The following PLA2G7 variants were observed in gnomAD, a reference collection of about 807,000 sequenced individuals.
The protein encoded by PLA2G7 is platelet-activating factor acetylhydrolase.
In PLA2G7, 63 loss-of-function variants were observed where a neutral mutation model predicts 49.6. The ratio of observed to expected loss-of-function variants is 1.27; its 90% CI spans 1.04 to 1.57. The LOEUF (loss-of-function observed/expected upper bound fraction) is 1.57. Ranked by LOEUF, PLA2G7 falls within the 40% of genes most tolerant of loss-of-function variation. PLA2G7 has a pLI of 0.00. For synonymous variants in PLA2G7, 193 were observed against 169.9 expected (o/e 1.14, Z -1.06); for missense variants, 596 against 521.2 (o/e 1.14, Z -1.40).
intron 6 of PLA2G7, 137 bp from the exon 7 acceptor site, chr6:46,711,756 T>A: frequency 1.1e-6 from 1 of 905,250 alleles, no homozygotes; most frequent in Non-Finnish European, 1.8e-6. Context: ...TATTTTCTCT[T>A]AAATTAAAGA....
intron 6 of PLA2G7, 99 bp downstream of exon 6, chr6:46,712,170 A>G: frequency 1.2e-6 from 1 of 826,780 alleles, no homozygotes; most frequent in South Asian, 1.4e-5. Flanking sequence ...AAGTTCCATC[A>G]ACATTTTAAA....
At chr6:46,711,665 C>T (rs776728216) in intron 6 of PLA2G7, 46 bp from the exon 7 acceptor site, 2 of 1,602,006 alleles carry the variant, frequency 1.2e-6, no homozygotes, top group East Asian at 2.2e-5. Context: ...CCTTCCCTTC[C>T]TCATCTGACC....
intron 4 of PLA2G7, 40 bp downstream of exon 4, chr6:46,716,344 C>T (rs1765198147): frequency 6.2e-7 from 1 of 1,608,030 alleles, no homozygotes; most frequent in Admixed American, 1.7e-5. Context: ...GGTTTTCATA[C>T]ATGCAAGAGC....
At chr6:46,733,981 C>T (rs1765811658) in intron 1 of PLA2G7, among the ~76,000 whole-genome samples, 1 of 152,152 alleles carries the variant, frequency 6.6e-6, no homozygotes, top group Admixed American at 6.5e-5. Context: ...AGGTGGCAAG[C>T]TGCCATTTAT....
intron 11 of PLA2G7, 43 bp downstream of exon 11, chr6:46,705,110 T>G: frequency 7.0e-7 from 1 of 1,427,202 alleles, no homozygotes; most frequent in Non-Finnish European, 9.9e-7. Flanking sequence ...AGCTTTGTCC[T>G]GAGATTCATC....
Position 46,710,639 on chromosome 6 carries a change from T to G in PLA2G7, c.683A>C (p.Glu228Ala). 6.2e-7 allele frequency: 1 copy of G among 1,612,054 alleles called. No homozygotes were observed. The highest frequency in any genetic ancestry group is 8.5e-7 in the Non-Finnish European group (1 of 1,178,162). ...RNEQVRQRAKECSQALSLILD... is the reference protein window; with the variant it reads ...RNEQVRQRAKACSQALSLILD... Reference sequence around the variant, plus strand: ...AATCAGACTGAGAGCTTGGGAACATTCTTTTGCTCTTTGCCGTACCTAATA... The same window carrying G: ...AATCAGACTGAGAGCTTGGGAACATGCTTTTGCTCTTTGCCGTACCTAATA... Residue 228 changes from glutamate to alanine, a missense_variant, in exon 8 of 12, where the codon GAA becomes GCA. Glu to Ala is a moderately radical substitution (Grantham distance 107). Coordinates refer to ENST00000274793, the MANE Select transcript of PLA2G7 (RefSeq NM_005084.4).
At chr6:46,722,579 A>G (rs756733249) in intron 2 of PLA2G7, among the ~76,000 whole-genome samples, 7 of 152,210 alleles carry the variant, frequency 4.6e-5, no homozygotes, top group Non-Finnish European at 7.3e-5. Flanking sequence ...TGCAGTCCTG[A>G]TACTGAAGAA....
At chr6:46,734,733 G>T (rs369923006) in intron 1 of PLA2G7, among the ~76,000 whole-genome samples, 13 of 151,910 alleles carry the variant, frequency 8.6e-5, no homozygotes, top group African/African-American at 3.1e-4. Context: ...TGAGGCAGGA[G>T]AATTGCTTGA....
chr6:46,721,820 G>C (rs1316526272), intron 2 of PLA2G7, among the ~76,000 whole-genome samples: 1 of 151,690 alleles, frequency 6.6e-6, no homozygotes, highest in African/African-American at 2.4e-5. Context: ...TATGTAGTAG[G>C]GCAAAATTTA....
intron 5 of PLA2G7, among the ~76,000 whole-genome samples, chr6:46,712,745 A>C (rs1765069684): frequency 6.6e-6 from 1 of 152,190 alleles, no homozygotes; most frequent in African/African-American, 2.4e-5. Context: ...CTTCCCAGCT[A>C]TATGATTTTA....
rs368946627 is a variant in PLA2G7 at position 46,704,441 on chromosome 6, TTCTCTCTCTC to T, written c.*109_*118del. 1,723 of 551,536 alleles carry T rather than the reference TTCTCTCTCTC, an allele frequency of 3.1e-3. 29 individuals carry two copies. Among genetic ancestry groups the T allele is most frequent in the Non-Finnish European group, 4.0e-3 (1,164 of 293,676 alleles). 34.2% of individuals were successfully genotyped at this position (551,536 alleles called of 1,614,324 possible). A position where few individuals can be genotyped will look rare whatever the true frequency, so the allele number is the denominator to read the frequency against. ...AGTCCTTTGGGAAAATACATTAAAA[TTCTCTCTCTC>T]TCTCTCTCTCTCTCTCTCTCTCTCT... On this transcript the variant is annotated 3_prime_UTR_variant, in exon 12 of 12. Transcript: ENST00000274793.
rs973737657 is a variant in PLA2G7 at position 46,706,941 on chromosome 6, A to G, written c.1040+1050T>C. On this transcript the variant is annotated intron_variant, in intron 10 of 11. Coordinates refer to ENST00000274793, the MANE Select transcript of PLA2G7 (RefSeq NM_005084.4). ...CTTTTCTGTTGGAAGAGACCCCTCT[A>G]TTCTCTGAGCCCATAGTGTTTATTG... Among the ~76,000 whole-genome samples, 7 of 152,278 alleles carry G rather than the reference A, an allele frequency of 4.6e-5. 1 individual carries two copies. In the South Asian group the frequency reaches 1.0e-3, roughly 23 times the overall value.
intron 1 of PLA2G7, among the ~76,000 whole-genome samples, chr6:46,724,503 A>G (rs45499497): frequency 6.6e-6 from 1 of 152,312 alleles, no homozygotes; most frequent in Admixed American, 6.5e-5. Flanking sequence ...TGTAATATAG[A>G]TGTGTGGCAC....
chr6:46,730,732 A>C lies in PLA2G7; in HGVS notation c.-35+4448T>G, dbSNP rs2150714446. Reference sequence around the variant, plus strand: ...TGTATGTAATATCCACTGATTTTTAAAGGAGCAACTAATTCAACCTTTCAA... The same window carrying C: ...TGTATGTAATATCCACTGATTTTTACAGGAGCAACTAATTCAACCTTTCAA... On this transcript the variant is annotated intron_variant, in intron 1 of 11. Coordinates refer to ENST00000274793, the MANE Select transcript of PLA2G7 (RefSeq NM_005084.4). Among the ~76,000 whole-genome samples, 3 of 152,322 alleles carry C rather than the reference A, an allele frequency of 2.0e-5. No homozygotes were observed. In the East Asian group the frequency reaches 5.8e-4, roughly 29 times the overall value.
At chr6:46,721,287 A>G (rs781773024) in intron 2 of PLA2G7, among the ~76,000 whole-genome samples, 2 of 151,726 alleles carry the variant, frequency 1.3e-5, no homozygotes, top group Non-Finnish European at 2.9e-5. Context: ...ACCTCAAGTG[A>G]TCCACCCACC....
chr6:46,715,505 A>C (rs1449593577), intron 4 of PLA2G7, among the ~76,000 whole-genome samples: 1 of 152,216 alleles, frequency 6.6e-6, no homozygotes, highest in African/African-American at 2.4e-5. Flanking sequence ...TCACATAGTA[A>C]GGGGCTCAAA....
rs1270541857 is a variant in PLA2G7, at chr6:46,704,654, C to T, written c.1232G>A (p.Gly411Glu). ...CCCTGGAATAAGATTCTCATCATCT[C>T]CTTCAATCAAGCAGTCCCACTGATC... ...DFDQWDCLIE[G>E]DDENLIPGTN... Residue 411 changes from glycine (G) to glutamate (E), a missense_variant, in exon 12 of 12, where the codon GGA becomes GAA. Coordinates refer to ENST00000274793, the MANE Select transcript of PLA2G7 (RefSeq NM_005084.4). The T allele has an allele frequency of 3.2e-6, 5 of 1,577,964 alleles. No individual in the cohort carries two copies. Among genetic ancestry groups the T allele is most frequent in the East Asian group, 2.2e-5 (1 of 44,638 alleles).
Position 46,716,436 on chromosome 6 carries a change from G to C in PLA2G7, c.324C>G (p.Ser108Arg), listed in dbSNP as rs748660580. ...TAAGCCAGTGTGTTCCAAGAAATTT[G>C]CTAAGACCCCAAAAATATTCTTTAT... is the stretch of plus-strand genomic sequence containing the variant. ...IPNKEYFWGL[S>R]KFLGTHWLMG... Residue 108 changes from serine (S) to arginine (R), a missense_variant, in exon 4 of 12, where the codon AGC (serine) becomes AGG (arginine). Physicochemically the swap from Ser to Arg is moderately radical, Grantham distance 110 (BLOSUM62 -1). Coordinates refer to ENST00000274793, the MANE Select transcript of PLA2G7 (RefSeq NM_005084.4). 5 of 1,614,006 alleles carry C rather than the reference G, an allele frequency of 3.1e-6. No individual in the cohort carries two copies. Among genetic ancestry groups the C allele is most frequent in the Non-Finnish European group, 3.4e-6 (4 of 1,179,938 alleles).
At chr6:46,711,005 A>T (rs1765002320) in intron 7 of PLA2G7, among the ~76,000 whole-genome samples, 1 of 152,212 alleles carries the variant, frequency 6.6e-6, no homozygotes, top group East Asian at 1.9e-4. Flanking sequence ...GGAAGCCAAT[A>T]TGCTTCACTT....
Sources: allele counts gnomAD v4.1 joint callset (sites outside exome capture counted in the v4.1 genomes callset), GRCh38; gene constraint gnomAD v4.1.1; transcripts MANE v1.5; gene names NCBI Gene and HGNC (gene_info 2026-07-23, HGNC 2026-07-21).